CTIF: variants seen among roughly 807,000 people sequenced by gnomAD.
CTIF encodes the protein CBP80/20-dependent translation initiation factor.
CTIF carries 21 observed loss-of-function variants against 66.0 expected under a neutral mutation model. That is an observed-to-expected ratio of 0.32 (90% CI 0.23 to 0.46). The LOEUF is 0.46. Ranked by LOEUF, CTIF falls within the 20% of genes least tolerant of loss-of-function variation. The pLI is 1.00. For synonymous variants in CTIF, 345 were observed against 326.4 expected, an observed-to-expected ratio of 1.06 and a Z score of -0.62; for missense variants, 739 against 812.7, an observed-to-expected ratio of 0.91 and a Z score of 1.10.
chr18:48,681,872 G>A (rs768048347), intron 6 of CTIF, among the ~76,000 whole-genome samples: 10 of 152,000 alleles, frequency 6.6e-5, no homozygotes, highest in Admixed American at 2.0e-4. Context: ...TGTAACCTCC[G>A]CCTCCCAGGT....
chr18:48,659,333 CAG>C (rs1207050333), intron 3 of CTIF, among the ~76,000 whole-genome samples: 1 of 152,162 alleles, frequency 6.6e-6, no homozygotes, highest in East Asian at 1.9e-4. Context: ...GATATTCAGA[CAG>C]AGAGGCCCGA....
chr18:48,809,282 G>C (rs181150385), intron 9 of CTIF, among the ~76,000 whole-genome samples: 1 of 152,090 alleles, frequency 6.6e-6, no homozygotes, highest in African/African-American at 2.4e-5. Flanking sequence ...TTTATTAAAG[G>C]CTTCTCTCAG....
intron 11 of CTIF, 106 bp downstream of exon 11, chr18:48,857,747 G>C (rs2069363971): frequency 9.4e-7 from 1 of 1,063,194 alleles, no homozygotes; most frequent in Admixed American, 2.5e-5. Flanking sequence ...CAAGTCCAGG[G>C]GAAGGTAGGT....
At chr18:48,702,428 G>T (rs759040975) in intron 6 of CTIF, among the ~76,000 whole-genome samples, 2 of 152,192 alleles carry the variant, frequency 1.3e-5, no homozygotes, top group African/African-American at 4.8e-5. Flanking sequence ...CCTGTCCGGG[G>T]TTCCTGAGTG....
chr18:48,666,433 CAG>C (rs2091436773), intron 5 of CTIF, among the ~76,000 whole-genome samples: 1 of 152,242 alleles, frequency 6.6e-6, no homozygotes, highest in Non-Finnish European at 1.5e-5. Flanking sequence ...GCCTGAATAA[CAG>C]AGCCATCATT....
chr18:48,738,744 G>A (rs1300040428), intron 7 of CTIF, among the ~76,000 whole-genome samples: 2 of 152,138 alleles, frequency 1.3e-5, no homozygotes, highest in African/African-American at 4.8e-5. Flanking sequence ...CCACGCTCTG[G>A]CATTCTCCAT....
rs1265563929 is a variant in CTIF, at chr18:48,587,650, A to G, written c.-28-31888A>G. ...TTGGGGCCTCACTTTTCTCATCTGT[A>G]AAAGGAGAGGCTGTGACTAAGTAAA... On this transcript the variant is annotated intron_variant, in intron 1 of 11. Transcript: ENST00000256413. 3.9e-5 allele frequency among the ~76,000 whole-genome samples: 6 copies of G among 152,174 alleles called. No homozygotes were observed. The South Asian group carries it at 1.0e-3, about 26-fold the overall frequency.
At chr18:48,689,289 C>G (rs1287571796) in intron 6 of CTIF, among the ~76,000 whole-genome samples, 1 of 152,238 alleles carries the variant, frequency 6.6e-6, no homozygotes, top group African/African-American at 2.4e-5. Context: ...CCTTCCTCAG[C>G]ACAGCCTCTG....
intron 7 of CTIF, among the ~76,000 whole-genome samples, chr18:48,740,569 T>C (rs1430431940): frequency 6.6e-6 from 1 of 152,238 alleles, no homozygotes; most frequent in Non-Finnish European, 1.5e-5. Context: ...CTGGTGTTCC[T>C]CAGTTTACTC....
chr18:48,853,811 G>A (rs1317625), intron 10 of CTIF, among the ~76,000 whole-genome samples: 45,003 of 152,076 alleles, frequency 0.3, 8,022 homozygotes, highest in African/African-American at 0.5. Flanking sequence ...TGGATGCAAC[G>A]TGACAGGAGA....
intron 1 of CTIF, among the ~76,000 whole-genome samples, chr18:48,609,742 G>C (rs2090271837): frequency 1.3e-5 from 2 of 152,196 alleles, no homozygotes; most frequent in Admixed American, 1.3e-4. Context: ...GCACAGTTTT[G>C]GTTTGTTTCA....
At chr18:48,646,140 G>T (rs2091026943) in intron 3 of CTIF, among the ~76,000 whole-genome samples, 1 of 152,096 alleles carries the variant, frequency 6.6e-6, no homozygotes, top group African/African-American at 2.4e-5. Context: ...GTTACAGAGA[G>T]GGAGAAAATA....
chr18:48,767,890 G>A (rs1909728125), intron 9 of CTIF, among the ~76,000 whole-genome samples: 2 of 152,184 alleles, frequency 1.3e-5, no homozygotes, highest in African/African-American at 4.8e-5. Context: ...CTCTGGGAAT[G>A]ACTTTAGCAC....
At chr18:48,754,646 G>T (rs118104669) in intron 7 of CTIF, among the ~76,000 whole-genome samples, 1 of 152,184 alleles carries the variant, frequency 6.6e-6, no homozygotes, top group African/African-American at 2.4e-5. Context: ...ACCCAATTAG[G>T]AGGGAACACT....
intron 7 of CTIF, among the ~76,000 whole-genome samples, chr18:48,754,657 T>A (rs1184520214): frequency 6.6e-6 from 1 of 152,226 alleles, no homozygotes; most frequent in African/African-American, 2.4e-5. Context: ...AGGGAACACT[T>A]GAGGTGGACT....
intron 7 of CTIF, among the ~76,000 whole-genome samples, chr18:48,729,605 GCTGAGGCTGGTCCCAGACATC>G (rs2092419052): frequency 1.3e-5 from 2 of 152,332 alleles, no homozygotes; most frequent in Admixed American, 1.3e-4. Context: ...GCCTTGCAGA[GCTGAGGCTGGTCCCAGACATC>G]CAGACGTCTG....
intron 1 of CTIF, among the ~76,000 whole-genome samples, chr18:48,555,124 G>C (rs561192988): frequency 4.5e-4 from 68 of 152,300 alleles, no homozygotes; most frequent in Non-Finnish European, 1.2e-4. Flanking sequence ...GACACGGAAT[G>C]GAATACGGTG....
At chr18:48,781,683 T>G (rs1467078975) in intron 9 of CTIF, among the ~76,000 whole-genome samples, 2 of 151,922 alleles carry the variant, frequency 1.3e-5, no homozygotes, top group Admixed American at 1.3e-4. Flanking sequence ...CCTTGTCTTG[T>G]GTTAGTCTCC....
At chr18:48,611,777 A>ATG (rs2090312376) in intron 1 of CTIF, among the ~76,000 whole-genome samples, 1 of 152,226 alleles carries the variant, frequency 6.6e-6, no homozygotes. Flanking sequence ...GATAGTTACA[A>ATG]TGTGTGCTAC....
Sources: allele counts gnomAD v4.1 joint callset (sites outside exome capture counted in the v4.1 genomes callset), GRCh38; gene constraint gnomAD v4.1.1; transcripts MANE v1.5; gene names NCBI Gene and HGNC (gene_info 2026-07-23, HGNC 2026-07-21).